INPP4B: variants seen among roughly 807,000 people sequenced by gnomAD.
The protein encoded by INPP4B is inositol polyphosphate-4-phosphatase type II B, also known as inositol polyphosphate 4-phosphatase type II.
A neutral mutation model predicts 122.5 loss-of-function variants in INPP4B; 55 were observed. The ratio of observed to expected loss-of-function variants is 0.45; its 90% CI spans 0.36 to 0.56. The LOEUF is 0.56. INPP4B is among the 20% of genes least tolerant of loss of function. INPP4B has a pLI of 0.00. For missense variants in INPP4B, 1,000 were observed against 1,097.7 expected (o/e 0.91, Z 1.26); for synonymous variants, 403 against 388.7 (o/e 1.04, Z -0.43).
intron 2 of INPP4B, among the ~76,000 whole-genome samples, chr4:142,545,831 A>ACACATGTATATGTGTGTATATATG (rs1829578618): frequency 1.3e-5 from 2 of 149,194 alleles, no homozygotes; most frequent in African/African-American, 4.9e-5. Context: ...GTATATATAT[A>ACACATGTATATGTGTGTATATATG]TATATAAAAT....
Position 142,084,607 on chromosome 4 carries a change from G to T in INPP4B, c.2487+1537C>A, listed in dbSNP as rs538234213. ...GCCCATGATTTACAAATAGAATATT[G>T]AAACTGAGGCATTAGCTAACAGAAA... On this transcript the variant is annotated intron_variant, in intron 24 of 25. Transcript: ENST00000262992. Among the ~76,000 whole-genome samples the T allele has an allele frequency of 4.6e-5, 7 of 152,158 alleles. No homozygotes were observed. In the East Asian group the frequency reaches 9.6e-4, roughly 21 times the overall value.
At chr4:142,766,077 T>A (rs1772077253) in intron 1 of INPP4B, 2 of 152,040 alleles carry the variant, frequency 1.3e-5, no homozygotes, top group South Asian at 2.1e-4. Flanking sequence ...TGCATAAACA[T>A]CTTAATCACA....
At chr4:142,595,442 T>A (rs535824744) in intron 2 of INPP4B, among the ~76,000 whole-genome samples, 2 of 152,294 alleles carry the variant, frequency 1.3e-5, no homozygotes, top group South Asian at 4.2e-4. Context: ...CAGTAGTGTA[T>A]AAAGGTCAAA....
At chr4:142,662,127 C>T (rs1580656153) in intron 2 of INPP4B, among the ~76,000 whole-genome samples, 1 of 151,716 alleles carries the variant, frequency 6.6e-6, no homozygotes, top group Admixed American at 6.6e-5. Context: ...CCCAGCTACT[C>T]GGGAGGCTGA....
chr4:142,350,605 C>T (rs753347679), intron 7 of INPP4B, among the ~76,000 whole-genome samples: 2 of 151,866 alleles, frequency 1.3e-5, no homozygotes, highest in Admixed American at 6.6e-5. Context: ...CAAAAGGCCT[C>T]GTGTGGTGTA....
At chr4:142,630,140 C>T (rs111664791) in intron 2 of INPP4B, among the ~76,000 whole-genome samples, 15 of 152,054 alleles carry the variant, frequency 9.9e-5, no homozygotes, top group Non-Finnish European at 1.3e-4. Flanking sequence ...AAAAGCTTGT[C>T]CAAAGTAGGG....
chr4:142,240,071 C>CAT (rs1858578429), intron 11 of INPP4B, among the ~76,000 whole-genome samples: 1 of 132,522 alleles, frequency 7.5e-6, no homozygotes, highest in Non-Finnish European at 1.6e-5. Context: ...TTATTGTTTT[C>CAT]TTTTTTTTTT....
intron 2 of INPP4B, among the ~76,000 whole-genome samples, chr4:142,627,758 C>T (rs1189605941): frequency 1.3e-5 from 2 of 152,046 alleles, no homozygotes; most frequent in Non-Finnish European, 2.9e-5. Context: ...CAGAATGATG[C>T]TGGCCTCATA....
intron 2 of INPP4B, among the ~76,000 whole-genome samples, chr4:142,537,423 TATATATAG>T (rs1187022890): frequency 0.028 from 1,345 of 47,864 alleles, 7 homozygotes; most frequent in East Asian, 0.049. Flanking sequence ...TATATATATA[TATATATAG>T]AGAGAGAGAG....
chr4:142,467,039 G>C (rs1817921955), intron 2 of INPP4B, among the ~76,000 whole-genome samples: 1 of 152,320 alleles, frequency 6.6e-6, no homozygotes, highest in East Asian at 1.9e-4. Flanking sequence ...AAGATTGGTT[G>C]CCCAAGTAGA....
intron 25 of INPP4B, among the ~76,000 whole-genome samples, chr4:142,076,477 C>T (rs933302270): frequency 6.6e-6 from 1 of 151,968 alleles, no homozygotes; most frequent in African/African-American, 2.4e-5. Flanking sequence ...ATTAATAACC[C>T]TGAGATGAAG....
intron 1 of INPP4B, among the ~76,000 whole-genome samples, chr4:142,844,781 T>C (rs1783981502): frequency 6.6e-6 from 1 of 152,250 alleles, no homozygotes; most frequent in Non-Finnish European, 1.5e-5. Context: ...ATTACTACCA[T>C]TTCTGGTCCA....
At chr4:142,614,437 C>A (rs1415506955) in intron 2 of INPP4B, among the ~76,000 whole-genome samples, 1 of 152,048 alleles carries the variant, frequency 6.6e-6, no homozygotes, top group Non-Finnish European at 1.5e-5. Flanking sequence ...AACTATAAAA[C>A]TCCTGGAAGA....
intron 12 of INPP4B, among the ~76,000 whole-genome samples, chr4:142,230,680 A>G (rs1204299081): frequency 6.6e-6 from 1 of 150,688 alleles, no homozygotes; most frequent in Non-Finnish European, 1.5e-5. Context: ...GAAAAACAAA[A>G]TTGCCTTCCT....
rs1013682123 is a variant in INPP4B, at chr4:142,488,018, T to C, written c.-190-25292A>G. On this transcript the variant is annotated intron_variant, in intron 2 of 25. Coordinates refer to ENST00000262992, the MANE Select transcript of INPP4B (RefSeq NM_001101669.3). Reference sequence around the variant, plus strand: ...CTGGAAAATATTCAAAATTTCACCATTAAAAATGTTTGCTGTAGAGTTTTT... The same window carrying C: ...CTGGAAAATATTCAAAATTTCACCACTAAAAATGTTTGCTGTAGAGTTTTT... 5.9e-5 allele frequency among the ~76,000 whole-genome samples: 9 copies of C among 152,224 alleles called. No individual in the cohort carries two copies. In the East Asian group the frequency reaches 9.7e-4, roughly 16 times the overall value.
chr4:142,682,814 A>G (rs1425647227), intron 2 of INPP4B, among the ~76,000 whole-genome samples: 9 of 152,004 alleles, frequency 5.9e-5, no homozygotes, highest in Non-Finnish European at 1.0e-4. Context: ...GTTATAAAAA[A>G]TACTTAATAT....
chr4:142,830,362 T>C (rs1027157310), intron 1 of INPP4B, among the ~76,000 whole-genome samples: 6 of 152,144 alleles, frequency 3.9e-5, no homozygotes, highest in African/African-American at 1.4e-4. Flanking sequence ...TCTCTTTTAG[T>C]GACCTTGACA....
intron 9 of INPP4B, among the ~76,000 whole-genome samples, chr4:142,272,284 G>A (rs187291043): frequency 8.1e-4 from 123 of 151,914 alleles, no homozygotes; most frequent in African/African-American, 2.8e-3. Flanking sequence ...GAAAAGAAAC[G>A]CTGATTCTAT....
At chr4:142,804,459 A>T (rs530088409) in intron 1 of INPP4B, among the ~76,000 whole-genome samples, 1 of 152,248 alleles carries the variant, frequency 6.6e-6, no homozygotes, top group East Asian at 1.9e-4. Flanking sequence ...TGAATACTTC[A>T]TCTCCTCCTT....
Sources: gnomAD v4.1 joint callset for allele counts (sites outside exome capture counted in the v4.1 genomes callset) on GRCh38, gnomAD v4.1.1 for gene constraint, MANE v1.5 for transcripts, NCBI Gene and HGNC (gene_info 2026-07-23, HGNC 2026-07-21) for gene names.